Variants in BMPER observed in about 807,000 individuals in gnomAD.
The protein encoded by BMPER is BMP-binding endothelial regulator protein.
A neutral mutation model predicts 87.3 loss-of-function variants in BMPER; 45 were observed. That is an observed-to-expected ratio of 0.52 (90% confidence interval 0.41 to 0.66). BMPER has a LOEUF of 0.66. BMPER is among the 30% of genes least tolerant of loss of function. BMPER has a pLI of 0.00. For synonymous variants in BMPER, 326 were observed against 316.2 expected (o/e 1.03, Z -0.33); for missense variants, 784 against 867.5 (o/e 0.90, Z 1.21).
chr7:33,971,217 A>G (rs1028748149), intron 5 of BMPER, among the ~76,000 whole-genome samples: 1 of 151,580 alleles, frequency 6.6e-6, no homozygotes, highest in African/African-American at 2.4e-5. Context: ...GTTCTTGGAA[A>G]CTTCCTGTGA....
intron 3 of BMPER, among the ~76,000 whole-genome samples, chr7:33,963,908 A>G (rs1170147577): frequency 6.6e-6 from 1 of 152,206 alleles, no homozygotes; most frequent in East Asian, 1.9e-4. Flanking sequence ...TCTTTCTACC[A>G]TGGCCAATAA....
chr7:34,061,966 A>T lies in BMPER; in HGVS notation c.1033-36A>T, dbSNP rs550274758. The T allele has an allele frequency of 1.4e-4, 162 of 1,192,064 alleles. No homozygotes were observed. Among genetic ancestry groups the T allele is most frequent in the African/African-American group, 1.2e-3 (68 of 54,658 alleles). The allele number at this position is 1,192,064 out of a possible 1,614,324, so 73.8% of individuals were successfully genotyped here. On this transcript the variant is annotated intron_variant, in intron 10 of 14. Transcript: ENST00000649409. ...GGAGACCCTGTTTTTTTTTTTTTTT[A>T]AACAGTAACTTTGTATTTGTTTTTC...
At chr7:33,907,426 A>G (rs914201090) in intron 2 of BMPER, among the ~76,000 whole-genome samples, 8 of 152,160 alleles carry the variant, frequency 5.3e-5, no homozygotes, top group Admixed American at 3.9e-4. Context: ...TAAACCCTCA[A>G]ATACTGTCTT....
chr7:34,050,113 T>C (rs1788108493), intron 7 of BMPER, among the ~76,000 whole-genome samples: 1 of 152,206 alleles, frequency 6.6e-6, no homozygotes, highest in African/African-American at 2.4e-5. Flanking sequence ...ATTTAGTATG[T>C]CAGTTCTTAG....
At chr7:34,046,162 T>C in intron 6 of BMPER, 144 bp from the exon 7 acceptor site, 2 of 784,704 alleles carry the variant, frequency 2.5e-6, no homozygotes, top group Non-Finnish European at 4.3e-6. Context: ...CAAAGGACGC[T>C]TGGGGAAAAT....
chr7:34,076,037 A>G (rs2127972562), intron 11 of BMPER, among the ~76,000 whole-genome samples: 1 of 152,342 alleles, frequency 6.6e-6, no homozygotes, highest in African/African-American at 2.4e-5. Context: ...ATTGCTGTCA[A>G]ACAGAAAAAT....
At chr7:34,004,658 C>T (rs955716611) in intron 6 of BMPER, among the ~76,000 whole-genome samples, 2 of 152,100 alleles carry the variant, frequency 1.3e-5, no homozygotes, top group African/African-American at 4.8e-5. Context: ...CATGTGTGGC[C>T]AGTGACTCTG....
At chr7:34,009,987 C>A (rs1459800078) in intron 6 of BMPER, among the ~76,000 whole-genome samples, 1 of 151,818 alleles carries the variant, frequency 6.6e-6, no homozygotes, top group Admixed American at 6.6e-5. Context: ...CATGTTTTTC[C>A]CAGCTTCCTC....
chr7:34,015,369 C>G (rs1396608682), intron 6 of BMPER, among the ~76,000 whole-genome samples: 1 of 151,860 alleles, frequency 6.6e-6, no homozygotes, highest in Non-Finnish European at 1.5e-5. Flanking sequence ...GAAGAGTAAC[C>G]TAATACGAAG....
chr7:33,966,887 G>A (rs770028055), intron 4 of BMPER, among the ~76,000 whole-genome samples: 4 of 152,214 alleles, frequency 2.6e-5, no homozygotes, highest in African/African-American at 4.8e-5. Flanking sequence ...AGCAAAACAT[G>A]AATTCCTCTT....
At chr7:34,099,473 T>C (rs1789619058) in intron 13 of BMPER, among the ~76,000 whole-genome samples, 1 of 152,270 alleles carries the variant, frequency 6.6e-6, no homozygotes, top group African/African-American at 2.4e-5. Flanking sequence ...TTCTGTTTAG[T>C]TCTATTTTGA....
intron 6 of BMPER, among the ~76,000 whole-genome samples, chr7:34,043,648 T>A (rs925034470): frequency 3.9e-5 from 6 of 152,146 alleles, no homozygotes; most frequent in African/African-American, 1.4e-4. Context: ...ATGGGTCATA[T>A]ACACTCCTTA....
chr7:34,068,837 A>T (rs1164447714), intron 11 of BMPER, among the ~76,000 whole-genome samples: 1 of 152,126 alleles, frequency 6.6e-6, no homozygotes, highest in African/African-American at 2.4e-5. Context: ...ATGAGGTTAG[A>T]CCTCTCACTT....
chr7:34,022,842 T>C (rs1787232882), intron 6 of BMPER, among the ~76,000 whole-genome samples: 1 of 152,062 alleles, frequency 6.6e-6, no homozygotes, highest in South Asian at 2.1e-4. Flanking sequence ...CCTCATGCTC[T>C]CCAGGGTGAT....
At chr7:33,993,447 G>C (rs1357695289) in intron 6 of BMPER, among the ~76,000 whole-genome samples, 1 of 151,830 alleles carries the variant, frequency 6.6e-6, no homozygotes, top group African/African-American at 2.4e-5. Flanking sequence ...CGTAGTTCTC[G>C]AGCCTTGGTT....
chr7:34,146,234 C>T (rs1054267621), intron 14 of BMPER, among the ~76,000 whole-genome samples: 4 of 152,076 alleles, frequency 2.6e-5, no homozygotes, highest in Admixed American at 6.6e-5. Context: ...TGACTCACGA[C>T]GGCACTTGAG....
At chr7:34,053,626 A>G (rs942378936) in intron 8 of BMPER, among the ~76,000 whole-genome samples, 10 of 152,242 alleles carry the variant, frequency 6.6e-5, no homozygotes, top group Non-Finnish European at 1.0e-4. Flanking sequence ...AGAAAATGTT[A>G]TTTAAAAAAT....
intron 6 of BMPER, among the ~76,000 whole-genome samples, chr7:34,032,591 A>G (rs986536920): frequency 3.3e-5 from 5 of 152,130 alleles, no homozygotes; most frequent in Non-Finnish European, 5.9e-5. Context: ...TGCTTATACT[A>G]TTGGGCTACA....
chr7:33,937,259 T>G (rs372666791), intron 2 of BMPER, 30 bp from the exon 3 acceptor site: 11 of 1,604,116 alleles, frequency 6.9e-6, no homozygotes, highest in Middle Eastern at 1.7e-4. Flanking sequence ...TGATGTCTAT[T>G]TCAAATCTCT....
Sources: gnomAD v4.1 joint callset for allele counts (sites outside exome capture counted in the v4.1 genomes callset) on GRCh38, gnomAD v4.1.1 for gene constraint, MANE v1.5 for transcripts, NCBI Gene and HGNC (gene_info 2026-07-23, HGNC 2026-07-21) for gene names.